LHCGR: variants seen among roughly 807,000 people sequenced by gnomAD.
LHCGR encodes luteinizing hormone/choriogonadotropin receptor.
Under a neutral mutation model 60.7 loss-of-function variants are expected in LHCGR, and 55 were observed. That is an observed-to-expected ratio of 0.91 (90% confidence interval 0.73 to 1.13). The LOEUF (loss-of-function observed/expected upper bound fraction) is 1.13, where lower values mean the gene tolerates loss of function less well. LHCGR is among the 50% of genes most tolerant of loss of function. LHCGR has a pLI of 0.00. For missense variants in LHCGR, 862 were observed against 836.0 expected, an observed-to-expected ratio of 1.03 and a Z score of -0.38; for synonymous variants, 337 against 316.5, an observed-to-expected ratio of 1.06 and a Z score of -0.69.
intron 6 of LHCGR, among the ~76,000 whole-genome samples, chr2:48,714,746 C>T (rs1668162702): frequency 6.6e-6 from 1 of 152,032 alleles, no homozygotes; most frequent in Non-Finnish European, 1.5e-5. Flanking sequence ...TAAATACACA[C>T]ACACACAAAC....
intron 1 of LHCGR, among the ~76,000 whole-genome samples, chr2:48,735,334 A>G (rs1669164982): frequency 6.6e-6 from 1 of 152,234 alleles, no homozygotes; most frequent in South Asian, 2.1e-4. Flanking sequence ...ACTGGACCCA[A>G]TAATATTAAT....
intron 9 of LHCGR, among the ~76,000 whole-genome samples, chr2:48,695,446 C>T (rs896662422): frequency 1.3e-5 from 2 of 152,144 alleles, no homozygotes; most frequent in Non-Finnish European, 2.9e-5. Context: ...TTCTCATACA[C>T]TGTTGGTGGG....
rs1432256229 is a variant in LHCGR, at chr2:48,731,445, T to G, written c.162-147A>C. 1.1e-4 allele frequency: 73 copies of G among 647,864 alleles called. No individual in the cohort carries two copies. In the South Asian group the frequency reaches 1.1e-3, roughly 10 times the overall value. The allele number at this position is 647,864 out of a possible 1,614,324, so 40.1% of individuals were successfully genotyped here. Reference sequence around the variant, plus strand: ...TGGATTCAGGCTGAGGATTCTAACTTAAATCAATGAAGAGATGTGCCATGA... The same window carrying G: ...TGGATTCAGGCTGAGGATTCTAACTGAAATCAATGAAGAGATGTGCCATGA... On this transcript the variant is annotated intron_variant, in intron 1 of 10. Transcript: ENST00000294954.
chr2:48,731,153 C>A (rs1490746064), intron 2 of LHCGR, 74 bp downstream of exon 2: 3 of 1,020,230 alleles, frequency 2.9e-6, no homozygotes, highest in African/African-American at 3.2e-5. Flanking sequence ...TATCCCCTTT[C>A]AAATGTGTTT....
At chr2:48,733,753 C>G (rs553065308) in intron 1 of LHCGR, among the ~76,000 whole-genome samples, 7 of 152,118 alleles carry the variant, frequency 4.6e-5, no homozygotes, top group South Asian at 2.1e-4. Flanking sequence ...ATTTTCCCTA[C>G]AGACTTATAT....
At chr2:48,732,758 T>C in intron 1 of LHCGR, 1 of 467,490 alleles carries the variant, frequency 2.1e-6, no homozygotes, top group South Asian at 1.7e-5. Flanking sequence ...CAAAGCGGTT[T>C]ACCAGCCGTT....
At chr2:48,712,325 A>C (rs1272617960) in intron 7 of LHCGR, among the ~76,000 whole-genome samples, 5 of 152,112 alleles carry the variant, frequency 3.3e-5, no homozygotes. Context: ...AATCATCTTC[A>C]TTCCCCCTCA....
Position 48,731,307 on chromosome 2 carries a change from G to GA in LHCGR, c.162-10dup. 4 of 1,601,212 alleles carry GA rather than the reference G, an allele frequency of 2.5e-6. No individual in the cohort carries two copies. The highest frequency in any genetic ancestry group is 3.4e-6 in the Non-Finnish European group (4 of 1,170,884). On this transcript the variant is annotated splice_polypyrimidine_tract_variant and intron_variant, in intron 1 of 10. Coordinates refer to ENST00000294954, the MANE Select transcript of LHCGR (RefSeq NM_000233.4). ...GGAGGTAGGCAAGTGATCTAGAAAAGAAAAAAGGAAATCCAAGAGTTTAAG... is the reference window on the plus strand; with the variant it reads ...GGAGGTAGGCAAGTGATCTAGAAAAGAAAAAAAGGAAATCCAAGAGTTTAAG...
rs1430608705 is a variant in LHCGR, at chr2:48,688,673, A to G, written c.1124T>C (p.Met375Thr). Reference sequence around the variant, plus strand: ...AACAAAAAGAACAGTCATGTTTCCCATGATGGCTAGAATATTAATCAGCCA... The same window carrying G: ...AACAAAAAGAACAGTCATGTTTCCCGTGATGGCTAGAATATTAATCAGCCA... ...LIWLINILAI[M>T]GNMTVLFVLL... Residue 375 changes from methionine to threonine, a missense_variant, in exon 11 of 11, where the codon ATG becomes ACG. Transcript: ENST00000294954. This position sits in a 1 kb window ranked among gnomAD's most constrained non-coding sequence, Gnocchi z 5.2. 1.2e-6 allele frequency: 2 copies of G among 1,614,192 alleles called. No individual in the cohort carries two copies. Among genetic ancestry groups the G allele is most frequent in the Non-Finnish European group, 1.7e-6 (2 of 1,180,022 alleles).
intron 1 of LHCGR, among the ~76,000 whole-genome samples, chr2:48,741,484 G>A (rs935723777): frequency 5.0e-4 from 76 of 152,278 alleles, no homozygotes; most frequent in Non-Finnish European, 9.3e-4. Context: ...CAGACTAACA[G>A]CAGATCTCTC....
At chr2:48,752,997 T>TGGGGGGGGGGG (rs1558909396) in intron 1 of LHCGR, among the ~76,000 whole-genome samples, 57 of 18,422 alleles carry the variant, frequency 3.1e-3, no homozygotes, top group Non-Finnish European at 4.6e-3. Flanking sequence ...GGGGGGGGGG[T>TGGGGGGGGGGG]GGGGAAGGGA....
Position 48,688,623 on chromosome 2 carries a change from T to A in LHCGR, c.1174A>T (p.Thr392Ser). The A allele has an allele frequency of 6.2e-7, 1 of 1,614,184 alleles. No homozygotes were observed. The highest frequency in any genetic ancestry group is 8.5e-7 in the Non-Finnish European group (1 of 1,180,028). ...TTGCACATGAGAAAACGAGGCACTG[T>A]AAGTTTGTAACGACTTGTCAGGAGA... ...FVLLTSRYKL[T>S]VPRFLMCNLS... is the part of the protein sequence containing the mutation. Residue 392 changes from threonine to serine, a missense_variant, in exon 11 of 11, where the codon ACA becomes TCA. Thr to Ser is a moderately conservative substitution (Grantham distance 58, BLOSUM62 1). Transcript: ENST00000294954. The surrounding 1 kb of genome is among the most constrained non-coding windows in gnomAD (Gnocchi z 5.2).
intron 1 of LHCGR, among the ~76,000 whole-genome samples, chr2:48,752,588 T>A (rs534827028): frequency 6.6e-6 from 1 of 152,200 alleles, no homozygotes; most frequent in Non-Finnish European, 1.5e-5. Flanking sequence ...TGTCTCATAA[T>A]TACTGTTTAT....
At chr2:48,701,113 A>G (rs951978202) in intron 8 of LHCGR, among the ~76,000 whole-genome samples, 1 of 151,970 alleles carries the variant, frequency 6.6e-6, no homozygotes, top group South Asian at 2.1e-4. Context: ...GGAGTTAGGA[A>G]ATAGAGAGTG....
chr2:48,725,374 G>A (rs571200684), intron 4 of LHCGR, among the ~76,000 whole-genome samples: 1 of 152,236 alleles, frequency 6.6e-6, no homozygotes, highest in South Asian at 2.1e-4. Context: ...CCTTTTTAAA[G>A]TGTTATGACC....
In LHCGR at chr2:48,723,711, A is replaced by G. The variant is rs753540458; in HGVS notation, c.384-15T>C. The G allele has an allele frequency of 5.6e-6, 9 of 1,596,684 alleles. No homozygotes were observed. The highest frequency in any genetic ancestry group is 1.7e-4 in the Middle Eastern group (1 of 6,048). On this transcript the variant is annotated splice_polypyrimidine_tract_variant and intron_variant, in intron 4 of 10. Coordinates refer to ENST00000294954, the MANE Select transcript of LHCGR (RefSeq NM_000233.4). ...TACAGATGCTCCTGTGATTAGGGAC[A>G]GGATAGTGGTGTGGGCAGAGAGTGG...
Position 48,734,418 on chromosome 2 carries a change from G to T in LHCGR, c.162-3120C>A, listed in dbSNP as rs143108761. 2.8e-4 allele frequency among the ~76,000 whole-genome samples: 42 copies of T among 152,266 alleles called. No homozygotes were observed. In the East Asian group the frequency reaches 6.6e-3, roughly 24 times the overall value. ...TAAAATAAATAACTAAAAACAGAGA[G>T]GGACTTTGAATGGACTAGTGATAAT... On this transcript the variant is annotated intron_variant, in intron 1 of 10. Transcript: ENST00000294954.
At chr2:48,751,910 C>G (rs1669973814) in intron 1 of LHCGR, among the ~76,000 whole-genome samples, 1 of 152,182 alleles carries the variant, frequency 6.6e-6, no homozygotes, top group South Asian at 2.1e-4. Flanking sequence ...CATTTTCTTA[C>G]TAACAGATTT....
At position 48,707,349 on chromosome 2, in the gene LHCGR, C is replaced by T. The variant is rs1000038594; in HGVS notation, c.680+1599G>A. On this transcript the variant is annotated intron_variant, in intron 8 of 10. Transcript: ENST00000294954. ...GTTGTCAGCCCCTACTGGGATGCGT[C>T]TCCCAGTCAAGCTACATGGGGGTCA... Among the ~76,000 whole-genome samples the T allele has an allele frequency of 1.2e-4, 18 of 152,354 alleles. No homozygotes were observed. In the East Asian group the frequency reaches 3.5e-3, roughly 29 times the overall value.
Sources: allele counts gnomAD v4.1 joint callset (sites outside exome capture counted in the v4.1 genomes callset), GRCh38; gene constraint gnomAD v4.1.1; non-coding constraint Gnocchi (gnomAD v3.1); transcripts MANE v1.5; gene names NCBI Gene and HGNC (gene_info 2026-07-23, HGNC 2026-07-21).